Variants in PCCA observed in about 807,000 individuals in gnomAD.
PCCA encodes propionyl-CoA carboxylase subunit alpha, also known as propionyl-CoA carboxylase alpha chain, mitochondrial.
A neutral mutation model predicts 101.3 loss-of-function variants in PCCA; 74 were observed. The ratio of observed to expected loss-of-function variants is 0.73; its 90% CI spans 0.61 to 0.89. The LOEUF (loss-of-function observed/expected upper bound fraction) is 0.89, where lower values mean the gene tolerates loss of function less well. Among genes scored for constraint, PCCA ranks in the 40% least tolerant of loss-of-function variants. The probability of loss-of-function intolerance (pLI) is 0.00; values close to 1 mark genes in which losing one functional copy is unlikely to be tolerated. For missense variants in PCCA, 891 were observed against 907.0 expected (o/e 0.98, Z 0.23); for synonymous variants, 294 against 313.6 (o/e 0.94, Z 0.66).
At chr13:100,459,570 A>G (rs1566367290) in intron 21 of PCCA, among the ~76,000 whole-genome samples, 1 of 152,200 alleles carries the variant, frequency 6.6e-6, no homozygotes, top group Non-Finnish European at 1.5e-5. Flanking sequence ...TAGAAAGGTT[A>G]AAATAACTAT....
intron 19 of PCCA, among the ~76,000 whole-genome samples, chr13:100,374,775 A>C (rs993185660): frequency 2.0e-5 from 3 of 152,164 alleles, no homozygotes; most frequent in Non-Finnish European, 2.9e-5. Flanking sequence ...CTAGAAAGCA[A>C]TTGTATATGA....
chr13:100,181,785 A>AGATGGAATCTCGCTCTGTC (rs2056811696), intron 6 of PCCA, among the ~76,000 whole-genome samples: 2 of 106,418 alleles, frequency 1.9e-5, no homozygotes, highest in African/African-American at 7.8e-5. Flanking sequence ...TTTTTTTTTG[A>AGATGGAATCTCGCTCTGTC]GATGGAATCT....
chr13:100,400,124 G>A (rs2077250854), intron 19 of PCCA, among the ~76,000 whole-genome samples: 1 of 152,138 alleles, frequency 6.6e-6, no homozygotes, highest in African/African-American at 2.4e-5. Flanking sequence ...GTGGGGATAT[G>A]GATAAAACAG....
intron 6 of PCCA, among the ~76,000 whole-genome samples, chr13:100,170,609 C>A (rs2055536303): frequency 6.6e-6 from 1 of 152,140 alleles, no homozygotes. Context: ...CTGTCTGTAC[C>A]ACTACGTGTG....
chr13:100,319,545 T>G (rs1427109028), intron 16 of PCCA, among the ~76,000 whole-genome samples: 1 of 152,226 alleles, frequency 6.6e-6, no homozygotes, highest in Non-Finnish European at 1.5e-5. Context: ...GTTTCAGCTT[T>G]CTGCATATGG....
intron 7 of PCCA, among the ~76,000 whole-genome samples, chr13:100,219,925 T>C (rs937622032): frequency 1.3e-5 from 2 of 152,240 alleles, no homozygotes; most frequent in African/African-American, 4.8e-5. Flanking sequence ...CTGGGTCTTA[T>C]ACTGCCTTTG....
chr13:100,479,276 A>G (rs977168363), intron 21 of PCCA, among the ~76,000 whole-genome samples: 1 of 152,216 alleles, frequency 6.6e-6, no homozygotes, highest in Non-Finnish European at 1.5e-5. Context: ...TGAGTGTGGC[A>G]CAGGGAAGAC....
At chr13:100,338,882 C>G (rs1472632022) in intron 17 of PCCA, among the ~76,000 whole-genome samples, 1 of 151,612 alleles carries the variant, frequency 6.6e-6, no homozygotes, top group African/African-American at 2.4e-5. Context: ...GTATTTGTAT[C>G]TTAATTTTGA....
intron 21 of PCCA, among the ~76,000 whole-genome samples, chr13:100,462,989 A>T (rs923618005): frequency 1.3e-5 from 2 of 152,212 alleles, no homozygotes; most frequent in African/African-American, 4.8e-5. Flanking sequence ...GGATGAATTG[A>T]GTTTGCAGGA....
intron 1 of PCCA, 152 bp downstream of exon 1, chr13:100,089,377 C>T: frequency 9.0e-7 from 1 of 1,113,752 alleles, no homozygotes; most frequent in Non-Finnish European, 1.2e-6. Context: ...TCCTCCCTCC[C>T]GGAGTTCGCG....
intron 4 of PCCA, among the ~76,000 whole-genome samples, chr13:100,154,292 A>C (rs1026369291): frequency 2.0e-5 from 3 of 152,254 alleles, no homozygotes; most frequent in African/African-American, 7.2e-5. Context: ...CAAAATAAAT[A>C]GATTTAAACA....
chr13:100,310,008 G>A, intron 16 of PCCA, 100 bp downstream of exon 16: 1 of 849,334 alleles, frequency 1.2e-6, no homozygotes, highest in East Asian at 2.5e-5. Context: ...CAGCACATTT[G>A]CTCACTATGT....
intron 21 of PCCA, among the ~76,000 whole-genome samples, chr13:100,469,853 T>C (rs2082860061): frequency 6.6e-6 from 1 of 152,158 alleles, no homozygotes; most frequent in African/African-American, 2.4e-5. Flanking sequence ...CAGAAAACCA[T>C]TGCAAGATTT....
intron 19 of PCCA, among the ~76,000 whole-genome samples, chr13:100,390,596 A>G (rs2076752728): frequency 6.6e-6 from 1 of 152,338 alleles, no homozygotes; most frequent in East Asian, 1.9e-4. Flanking sequence ...ACTGAAGAGG[A>G]GCATTGAAAG....
intron 12 of PCCA, among the ~76,000 whole-genome samples, chr13:100,294,580 T>C (rs1051891123): frequency 5.3e-5 from 8 of 152,202 alleles, no homozygotes; most frequent in Non-Finnish European, 7.3e-5. Context: ...ATTCTAAACA[T>C]TCTGATTTCA....
rs77713041 is a variant in PCCA, at chr13:100,108,051, C to G, written c.184-3790C>G. Among the ~76,000 whole-genome samples, 64 of 152,276 alleles carry G rather than the reference C, an allele frequency of 4.2e-4. No homozygotes were observed. The East Asian group carries it at 0.011, about 27-fold the overall frequency. On this transcript the variant is annotated intron_variant, in intron 2 of 23. Transcript: ENST00000376285. Reference sequence around the variant, plus strand: ...CAGTGTCCAGAGTTCTGCCGTCATTCCAACAAGTACCCAGTGCAGGGCCAG... The same window carrying G: ...CAGTGTCCAGAGTTCTGCCGTCATTGCAACAAGTACCCAGTGCAGGGCCAG...
intron 20 of PCCA, among the ~76,000 whole-genome samples, chr13:100,442,031 TCA>T (rs1208650481): frequency 6.6e-6 from 1 of 151,362 alleles, no homozygotes; most frequent in Non-Finnish European, 1.5e-5. Flanking sequence ...TCTTGCTCTG[TCA>T]CTCAGGCTGT....
intron 7 of PCCA, among the ~76,000 whole-genome samples, chr13:100,219,123 A>G (rs2059676688): frequency 6.6e-6 from 1 of 152,054 alleles, no homozygotes; most frequent in Non-Finnish European, 1.5e-5. Flanking sequence ...TGAAATTATT[A>G]TTATTATTTC....
intron 20 of PCCA, among the ~76,000 whole-genome samples, chr13:100,439,310 A>G (rs1273791228): frequency 6.6e-6 from 1 of 152,194 alleles, no homozygotes; most frequent in Non-Finnish European, 1.5e-5. Flanking sequence ...CTAGCTGACA[A>G]ACTTTTTAAA....
Sources: gnomAD v4.1 joint callset for allele counts (sites outside exome capture counted in the v4.1 genomes callset) on GRCh38, gnomAD v4.1.1 for gene constraint, MANE v1.5 for transcripts, NCBI Gene and HGNC (gene_info 2026-07-23, HGNC 2026-07-21) for gene names.